Variants in ZMAT4 observed in about 807,000 individuals in gnomAD.
ZMAT4 encodes zinc finger matrin-type 4.
ZMAT4 carries 17 observed loss-of-function variants against 28.7 expected under a neutral mutation model. The ratio of observed to expected loss-of-function variants is 0.59; its 90% confidence interval spans 0.41 to 0.89. The LOEUF is 0.89. Ranked by LOEUF, ZMAT4 falls within the 40% of genes least tolerant of loss-of-function variation. The pLI, the probability that ZMAT4 is intolerant of heterozygous loss-of-function variation, is 0.00. For synonymous variants in ZMAT4, 117 were observed against 109.2 expected (o/e 1.07, Z -0.44); for missense variants, 240 against 283.8 (o/e 0.85, Z 1.11).
intron 5 of ZMAT4, among the ~76,000 whole-genome samples, chr8:40,610,794 T>C (rs1030023189): frequency 3.3e-5 from 5 of 151,596 alleles, no homozygotes; most frequent in Admixed American, 2.0e-4. Flanking sequence ...TTGATTCCGA[T>C]GTGCTCTATA....
Position 40,893,917 on chromosome 8 carries a change from A to G in ZMAT4, c.-5+3766T>C, listed in dbSNP as rs192565424. ...CACTTATAAGTGAGAACATACACAC[A>G]TCTTTGATTTCCTTTAAGAATGTAA... On this transcript the variant is annotated intron_variant, in intron 1 of 6. Coordinates refer to ENST00000297737, the MANE Select transcript of ZMAT4 (RefSeq NM_024645.3). Among the ~76,000 whole-genome samples the G allele has an allele frequency of 5.3e-5, 8 of 152,292 alleles. No homozygotes were observed. In the East Asian group the frequency reaches 1.3e-3, roughly 26 times the overall value.
intron 3 of ZMAT4, among the ~76,000 whole-genome samples, chr8:40,714,894 C>A (rs897672612): frequency 1.3e-5 from 2 of 151,656 alleles, no homozygotes; most frequent in Non-Finnish European, 2.9e-5. Context: ...ACTAAAAATA[C>A]AAAAATTAGC....
intron 3 of ZMAT4, among the ~76,000 whole-genome samples, chr8:40,717,110 G>A (rs1269749116): frequency 6.6e-6 from 1 of 152,160 alleles, no homozygotes; most frequent in Non-Finnish European, 1.5e-5. Context: ...ATCTTTGATT[G>A]CTCAGTAATA....
At chr8:40,661,376 C>T (rs1178640139) in intron 5 of ZMAT4, among the ~76,000 whole-genome samples, 3 of 152,168 alleles carry the variant, frequency 2.0e-5, no homozygotes, top group East Asian at 1.9e-4. Flanking sequence ...CTGGGATTAC[C>T]GGCATCAGCC....
chr8:40,781,598 T>C (rs1198193630), intron 2 of ZMAT4, among the ~76,000 whole-genome samples: 2 of 149,046 alleles, frequency 1.3e-5, no homozygotes, highest in Non-Finnish European at 3.0e-5. Flanking sequence ...CCGTCTCTAC[T>C]AAAAATACAA....
At chr8:40,647,424 T>C (rs1024934113) in intron 5 of ZMAT4, among the ~76,000 whole-genome samples, 4 of 152,166 alleles carry the variant, frequency 2.6e-5, no homozygotes, top group African/African-American at 9.6e-5. Context: ...CGGAGGGTCC[T>C]ACACCCACGG....
intron 5 of ZMAT4, among the ~76,000 whole-genome samples, chr8:40,661,095 G>A (rs374426703): frequency 1.3e-3 from 204 of 152,182 alleles, no homozygotes; most frequent in African/African-American, 4.7e-3. Flanking sequence ...TCTACTTGGA[G>A]TAAATCTGGC....
chr8:40,895,794 C>T (rs1343749009), intron 1 of ZMAT4, among the ~76,000 whole-genome samples: 1 of 152,214 alleles, frequency 6.6e-6, no homozygotes, highest in East Asian at 1.9e-4. Flanking sequence ...TTTCTGGTTT[C>T]CTTACTGCCT....
At chr8:40,578,921 T>C (rs532455074) in intron 6 of ZMAT4, among the ~76,000 whole-genome samples, 1 of 152,344 alleles carries the variant, frequency 6.6e-6, no homozygotes, top group African/African-American at 2.4e-5. Flanking sequence ...GTTAACTGAA[T>C]GACATGGAGT....
At chr8:40,712,369 A>G (rs1030529970) in intron 3 of ZMAT4, among the ~76,000 whole-genome samples, 1 of 152,246 alleles carries the variant, frequency 6.6e-6, no homozygotes, top group Non-Finnish European at 1.5e-5. Flanking sequence ...AAACAAAGAT[A>G]AGACATGGAG....
chr8:40,666,980 AT>A (rs1808441601), intron 5 of ZMAT4, among the ~76,000 whole-genome samples: 1 of 152,130 alleles, frequency 6.6e-6, no homozygotes, highest in Non-Finnish European at 1.5e-5. Flanking sequence ...CAAATCTATT[AT>A]TAAAAGTTGA....
At chr8:40,857,504 T>C (rs931353365) in intron 1 of ZMAT4, among the ~76,000 whole-genome samples, 6 of 152,290 alleles carry the variant, frequency 3.9e-5, no homozygotes, top group Admixed American at 3.9e-4. Context: ...ATGATTGCAA[T>C]TAAAAAGGCT....
At chr8:40,845,076 A>T (rs1816836991) in intron 1 of ZMAT4, among the ~76,000 whole-genome samples, 1 of 152,234 alleles carries the variant, frequency 6.6e-6, no homozygotes, top group South Asian at 2.1e-4. Flanking sequence ...GTTCCCGTTA[A>T]CATGACTGCA....
At chr8:40,713,983 C>A (rs892429895) in intron 3 of ZMAT4, among the ~76,000 whole-genome samples, 1 of 148,002 alleles carries the variant, frequency 6.8e-6, no homozygotes, top group Non-Finnish European at 1.5e-5. Flanking sequence ...ATATACATAT[C>A]CAATTTTAAA....
At chr8:40,573,165 C>G (rs940386414) in intron 6 of ZMAT4, among the ~76,000 whole-genome samples, 1 of 152,180 alleles carries the variant, frequency 6.6e-6, no homozygotes, top group Non-Finnish European at 1.5e-5. Context: ...TCATCATCAT[C>G]ACCAGGGCAG....
intron 1 of ZMAT4, among the ~76,000 whole-genome samples, chr8:40,836,616 A>G (rs1816499295): frequency 6.6e-6 from 1 of 152,244 alleles, no homozygotes; most frequent in Admixed American, 6.5e-5. Flanking sequence ...GAATCAGAAG[A>G]TCACATCTAC....
At chr8:40,792,885 A>G (rs116595206) in intron 2 of ZMAT4, among the ~76,000 whole-genome samples, 2,010 of 152,002 alleles carry the variant, frequency 0.013, 48 homozygotes, top group African/African-American at 0.046. Context: ...CTAGCTATAT[A>G]ATGTTCTAAA....
At chr8:40,536,916 G>A (rs1205320625) in intron 6 of ZMAT4, among the ~76,000 whole-genome samples, 2 of 151,246 alleles carry the variant, frequency 1.3e-5, no homozygotes, top group Non-Finnish European at 2.9e-5. Context: ...AAAAAAAAAA[G>A]AGAAGAGAAA....
chr8:40,577,146 A>G (rs1563347828), intron 6 of ZMAT4, among the ~76,000 whole-genome samples: 1 of 152,170 alleles, frequency 6.6e-6, no homozygotes, highest in Admixed American at 6.5e-5. Flanking sequence ...GTGAGCCGAG[A>G]CTGTGCCATT....
Sources: gnomAD v4.1 joint callset for allele counts (sites outside exome capture counted in the v4.1 genomes callset) on GRCh38, gnomAD v4.1.1 for gene constraint, MANE v1.5 for transcripts, NCBI Gene and HGNC (gene_info 2026-07-23, HGNC 2026-07-21) for gene names.